Variants in FOCAD observed in about 807,000 individuals in gnomAD.
FOCAD encodes KIAA1797.
In FOCAD, 198 loss-of-function variants were observed where a neutral mutation model predicts 225.6. The observed-to-expected ratio is 0.88, with a 90% CI of 0.78 to 0.99. The LOEUF is 0.99. Ranked by LOEUF, FOCAD falls within the 50% of genes least tolerant of loss-of-function variation. The pLI, the probability that FOCAD is intolerant of heterozygous loss-of-function variation, is 0.00. For missense variants in FOCAD, 2,713 were observed against 2,123.6 expected (o/e 1.28, Z -5.46); for synonymous variants, 897 against 755.0 (o/e 1.19, Z -3.08).
intron 35 of FOCAD, among the ~76,000 whole-genome samples, chr9:20,971,157 A>G (rs1285792669): frequency 6.6e-6 from 1 of 152,158 alleles, no homozygotes; most frequent in Non-Finnish European, 1.5e-5. Flanking sequence ...CCAGAAGTCA[A>G]AAAAAGGAAA....
At chr9:20,842,845 A>G (rs1271604932) in intron 15 of FOCAD, among the ~76,000 whole-genome samples, 3 of 151,864 alleles carry the variant, frequency 2.0e-5, no homozygotes, top group African/African-American at 7.2e-5. Flanking sequence ...CTCTGGTAAT[A>G]TATTTTAAAT....
At chr9:20,702,782 A>G (rs1298163635) in intron 1 of FOCAD, among the ~76,000 whole-genome samples, 3 of 152,120 alleles carry the variant, frequency 2.0e-5, no homozygotes, top group African/African-American at 4.8e-5. Context: ...ATTTACCTCA[A>G]AGTTGTTGTG....
At chr9:20,958,782 A>G (rs1838437347) in intron 35 of FOCAD, among the ~76,000 whole-genome samples, 1 of 152,146 alleles carries the variant, frequency 6.6e-6, no homozygotes, top group South Asian at 2.1e-4. Context: ...GAGTGAGAAC[A>G]TGTGCTATTT....
chr9:20,929,327 A>G (rs1289526078), intron 26 of FOCAD, 31 bp from the exon 27 acceptor site: 1 of 1,570,892 alleles, frequency 6.4e-7, no homozygotes, highest in African/African-American at 1.4e-5. Flanking sequence ...GTTTAAGGCT[A>G]ACCCTGTTTT....
chr9:20,864,851 G>C (rs1829089149), intron 16 of FOCAD, among the ~76,000 whole-genome samples: 1 of 151,948 alleles, frequency 6.6e-6, no homozygotes, highest in African/African-American at 2.4e-5. Flanking sequence ...ACTCTTACTA[G>C]TTTATACCAA....
chr9:20,710,564 C>G (rs1197287171), intron 1 of FOCAD, among the ~76,000 whole-genome samples: 3 of 151,398 alleles, frequency 2.0e-5, no homozygotes, highest in Admixed American at 6.6e-5. Context: ...CCATTTCACT[C>G]TAGCCTGGGC....
intron 11 of FOCAD, among the ~76,000 whole-genome samples, chr9:20,793,177 G>C (rs1177384611): frequency 6.6e-6 from 1 of 152,072 alleles, no homozygotes; most frequent in Non-Finnish European, 1.5e-5. Context: ...CTATTCCCTG[G>C]TAACCATAGC....
At chr9:20,805,794 A>G (rs1822378880) in intron 11 of FOCAD, among the ~76,000 whole-genome samples, 1 of 152,226 alleles carries the variant, frequency 6.6e-6, no homozygotes, top group Non-Finnish European at 1.5e-5. Flanking sequence ...ACGTTGTCAG[A>G]AAGAATAATA....
chr9:20,981,957 G>A (rs544959433), intron 38 of FOCAD, among the ~76,000 whole-genome samples: 1 of 152,284 alleles, frequency 6.6e-6, no homozygotes, highest in Admixed American at 6.5e-5. Context: ...GCCTCTTGTA[G>A]AAGACGAGAA....
At chr9:20,678,559 C>T (rs1822304009) in intron 2 of FOCAD, among the ~76,000 whole-genome samples, 1 of 152,194 alleles carries the variant, frequency 6.6e-6, no homozygotes, top group Admixed American at 6.5e-5. Flanking sequence ...GTAAGTGTGT[C>T]AGATATTCTC....
rs934455549 is a variant in FOCAD, at chr9:20,852,008, C to G, written c.1921-10570C>G. 3.9e-5 allele frequency among the ~76,000 whole-genome samples: 6 copies of G among 151,908 alleles called. No homozygotes were observed. In the East Asian group the frequency reaches 1.2e-3, roughly 29 times the overall value. On this transcript the variant is annotated intron_variant, in intron 15 of 43. Coordinates refer to ENST00000338382, the MANE Select transcript of FOCAD (RefSeq NM_001375567.1). ...TCTGGCCCTTGACAGAAAATGTGCC[C>G]TGCCCTGTCCTAGCTGGTGATAGGT...
At chr9:20,878,048 A>G (rs771435498) in intron 19 of FOCAD, among the ~76,000 whole-genome samples, 10 of 152,236 alleles carry the variant, frequency 6.6e-5, no homozygotes, top group Non-Finnish European at 1.5e-4. Context: ...GGAAGTTTCA[A>G]CATTTTTACA....
chr9:20,932,330 A>G (rs1211851443), intron 27 of FOCAD, among the ~76,000 whole-genome samples: 2 of 152,218 alleles, frequency 1.3e-5, no homozygotes, highest in Non-Finnish European at 2.9e-5. Context: ...GATCTGAAGT[A>G]GCAATATGAG....
In FOCAD at chr9:20,921,394, G is replaced by C. The variant is rs540608349; in HGVS notation, c.2853-2266G>C. On this transcript the variant is annotated intron_variant, in intron 24 of 43. Transcript: ENST00000338382. Reference sequence around the variant, plus strand: ...AGCTGACATGTTATTATGCAAATTAGTCTCTCTTGTTTGACTGGTAGGGGA... The same window carrying C: ...AGCTGACATGTTATTATGCAAATTACTCTCTCTTGTTTGACTGGTAGGGGA... Among the ~76,000 whole-genome samples, 14 of 152,294 alleles carry C rather than the reference G, an allele frequency of 9.2e-5. No individual in the cohort carries two copies. The South Asian group carries it at 2.9e-3, about 32-fold the overall frequency.
intron 2 of FOCAD, among the ~76,000 whole-genome samples, chr9:20,664,926 T>C (rs533474548): frequency 6.7e-6 from 1 of 150,174 alleles, no homozygotes; most frequent in South Asian, 2.1e-4. Context: ...TTTTTGGTAT[T>C]TTGAAATGTT....
In FOCAD at chr9:20,995,539, A is replaced by C. The variant is rs376282548; in HGVS notation, c.5333-17A>C. 1.4e-5 allele frequency: 22 copies of C among 1,607,666 alleles called. No homozygotes were observed. The highest frequency in any genetic ancestry group is 1.9e-5 in the Non-Finnish European group (22 of 1,174,578). On this transcript the variant is annotated splice_polypyrimidine_tract_variant and intron_variant, in intron 43 of 43. Transcript: ENST00000338382. Reference sequence around the variant, plus strand: ...GACCTTTTCAAATGCAGCCATACCTATATTTTGTCCCCTTAGCCACCCTGC... The same window carrying C: ...GACCTTTTCAAATGCAGCCATACCTCTATTTTGTCCCCTTAGCCACCCTGC...
chr9:20,944,159 C>A (rs541449344), intron 28 of FOCAD, among the ~76,000 whole-genome samples: 2 of 152,290 alleles, frequency 1.3e-5, no homozygotes, highest in South Asian at 4.1e-4. Context: ...CATAATCATG[C>A]CTTGCATTTA....
chr9:20,740,371 A>G (rs1200636326), intron 5 of FOCAD, 31 bp downstream of exon 5: 1 of 1,210,128 alleles, frequency 8.3e-7, no homozygotes, highest in Non-Finnish European at 1.2e-6. Context: ...TTTTTTAAAC[A>G]AATATGAATT....
chr9:20,860,880 C>A (rs988315026), intron 15 of FOCAD, among the ~76,000 whole-genome samples: 1 of 152,158 alleles, frequency 6.6e-6, no homozygotes, highest in Non-Finnish European at 1.5e-5. Flanking sequence ...TAAAGCCTAC[C>A]TTTTCTTTTA....
Sources: gnomAD v4.1 joint callset for allele counts (sites outside exome capture counted in the v4.1 genomes callset) on GRCh38, gnomAD v4.1.1 for gene constraint, MANE v1.5 for transcripts, NCBI Gene and HGNC (gene_info 2026-07-23, HGNC 2026-07-21) for gene names.